KLHL22: variants seen among roughly 807,000 people sequenced by gnomAD.
KLHL22 encodes kelch-like protein 22.
In KLHL22, 18 loss-of-function variants were observed where a neutral mutation model predicts 60.7. The observed-to-expected ratio is 0.30, with a 90% confidence interval of 0.20 to 0.44. KLHL22 has a LOEUF of 0.44. KLHL22 is among the 20% of genes least tolerant of loss of function. The pLI is 1.00. For synonymous variants in KLHL22, 355 were observed against 354.5 expected (o/e 1.00, Z -0.01); for missense variants, 596 against 852.3 (o/e 0.70, Z 3.74).
chr22:20,476,437 C>T (rs1569139649), intron 2 of KLHL22, among the ~76,000 whole-genome samples: 1 of 107,740 alleles, frequency 9.3e-6, no homozygotes, highest in African/African-American at 3.7e-5. Flanking sequence ...TTTTTTGAGA[C>T]GAAGTCTTGC....
chr22:20,470,268 G>C (rs1198428590), intron 3 of KLHL22, among the ~76,000 whole-genome samples: 3 of 151,682 alleles, frequency 2.0e-5, no homozygotes, highest in Non-Finnish European at 4.4e-5. Flanking sequence ...AGGACCACTT[G>C]AGCCTAGGAG....
chr22:20,458,922 T>G (rs1204536621), intron 4 of KLHL22, among the ~76,000 whole-genome samples: 1 of 152,076 alleles, frequency 6.6e-6, no homozygotes. Flanking sequence ...GTGTGTGAGA[T>G]TCCAGGGACC....
chr22:20,475,688 C>T (rs959505466), intron 2 of KLHL22, among the ~76,000 whole-genome samples: 7 of 152,034 alleles, frequency 4.6e-5, no homozygotes, highest in African/African-American at 1.7e-4. Flanking sequence ...CCCAGCCTCC[C>T]GAGTGGCTGG....
At chr22:20,452,094 C>T (rs545186006) in intron 5 of KLHL22, among the ~76,000 whole-genome samples, 1 of 152,072 alleles carries the variant, frequency 6.6e-6, no homozygotes, top group Admixed American at 6.6e-5. Flanking sequence ...CTTTGGGGAG[C>T]ACTTTCCTGT....
Position 20,465,947 on chromosome 22 carries a change from A to C in KLHL22, c.394-371T>G, listed in dbSNP as rs2053228435. Among the ~76,000 whole-genome samples the C allele has an allele frequency of 6.6e-6, 1 of 151,976 alleles. No homozygotes were observed. Among genetic ancestry groups the C allele is most frequent in the Non-Finnish European group, 1.5e-5 (1 of 67,990 alleles). On this transcript the variant is annotated intron_variant, in intron 3 of 6. Transcript: ENST00000328879. This position sits in a 1 kb window ranked among gnomAD's most constrained non-coding sequence, Gnocchi z 4.9. The stretch of plus-strand genomic sequence containing the variant: ...TCTCCTGCCTCAGCCTCCCGTACAG[A>C]ATGTTTTTAACCTCTCTAAGCCTCA...
Position 20,477,344 on chromosome 22 carries a change from T to C in KLHL22, c.228-5829A>G, listed in dbSNP as rs541978408. Among the ~76,000 whole-genome samples the C allele has an allele frequency of 2.0e-5, 3 of 151,662 alleles. No individual in the cohort carries two copies. The South Asian group carries it at 6.3e-4, about 32-fold the overall frequency. ...AGGCGGAGGTTGCAGTGAGCTGATA[T>C]CGCACCACTACTCTGTGACAGAGCA... On this transcript the variant is annotated intron_variant, in intron 2 of 6. Transcript: ENST00000328879.
Position 20,495,040 on chromosome 22 carries a change from A to G in KLHL22, c.-34+720T>C, listed in dbSNP as rs548533309. Among the ~76,000 whole-genome samples the G allele has an allele frequency of 5.3e-4, 80 of 152,248 alleles. 3 individuals are homozygous for G. The South Asian group carries it at 6.6e-3, about 13-fold the overall frequency. The stretch of plus-strand genomic sequence containing the variant: ...TGATTCCCAGCGGGGCAGCCTTCCA[A>G]AGGGTGCGCTCTGGAAGAATCTCCC... On this transcript the variant is annotated intron_variant, in intron 1 of 6. Transcript: ENST00000328879. This position sits in a 1 kb window ranked among gnomAD's most constrained non-coding sequence, Gnocchi z 4.6.
rs1458812807 is a variant in KLHL22, at chr22:20,495,666, C to A, written c.-34+94G>T. 1 of 151,602 alleles carries A rather than the reference C, an allele frequency of 6.6e-6. No individual in the cohort carries two copies. Among genetic ancestry groups the A allele is most frequent in the South Asian group, 1.8e-4 (1 of 5,648 alleles). The allele number at this position is 151,602 out of a possible 1,614,324, so 9.4% of individuals were successfully genotyped here. Reference sequence around the variant, plus strand: ...CCCCCGCGCCCCTCGGACTCCGCGCCGCTAGCTTGTCCCCGGCCCAGCGAT... The same window carrying A: ...CCCCCGCGCCCCTCGGACTCCGCGCAGCTAGCTTGTCCCCGGCCCAGCGAT... On this transcript the variant is annotated intron_variant, in intron 1 of 6. Coordinates refer to ENST00000328879, the MANE Select transcript of KLHL22 (RefSeq NM_032775.4). The surrounding 1 kb of genome is among the most constrained non-coding windows in gnomAD (Gnocchi z 4.6).
intron 2 of KLHL22, chr22:20,483,645 G>C (rs147792285): frequency 6.9e-6 from 5 of 726,094 alleles, no homozygotes; most frequent in South Asian, 4.1e-5. Flanking sequence ...GGGCATTGTC[G>C]ATCTACAGAA....
chr22:20,454,630 T>A (rs1235518133), intron 5 of KLHL22, among the ~76,000 whole-genome samples: 1 of 152,130 alleles, frequency 6.6e-6, no homozygotes, highest in Non-Finnish European at 1.5e-5. Context: ...TTTCCCTTAA[T>A]AGTACAAAAA....
chr22:20,446,925 T>C (rs1398533454), intron 5 of KLHL22, among the ~76,000 whole-genome samples: 1 of 152,222 alleles, frequency 6.6e-6, no homozygotes, highest in Non-Finnish European at 1.5e-5. Flanking sequence ...GCCTTTGTCT[T>C]TCCTTTGCTC....
At chr22:20,470,672 ATGGATGGG>A (rs963965199) in intron 3 of KLHL22, among the ~76,000 whole-genome samples, 6 of 149,422 alleles carry the variant, frequency 4.0e-5, no homozygotes, top group African/African-American at 1.5e-4. Context: ...GAGTGGATGG[ATGGATGGG>A]TGGATGGATG....
At chr22:20,458,479 A>C (rs1187813062) in intron 4 of KLHL22, among the ~76,000 whole-genome samples, 1 of 141,806 alleles carries the variant, frequency 7.1e-6, no homozygotes, top group Non-Finnish European at 1.5e-5. Context: ...GATAGAGACA[A>C]GGTCTTGACA....
At chr22:20,474,543 C>A (rs1227936367) in intron 2 of KLHL22, among the ~76,000 whole-genome samples, 1 of 152,148 alleles carries the variant, frequency 6.6e-6, no homozygotes, top group Non-Finnish European at 1.5e-5. Flanking sequence ...AGTCCTGCGC[C>A]ACCATGCCCG....
At chr22:20,487,800 T>C (rs1032788217) in intron 2 of KLHL22, among the ~76,000 whole-genome samples, 1 of 152,172 alleles carries the variant, frequency 6.6e-6, no homozygotes, top group African/African-American at 2.4e-5. Flanking sequence ...ACTGTCATCT[T>C]CAGAAAGAGT....
At chr22:20,474,078 C>G (rs927427258) in intron 2 of KLHL22, among the ~76,000 whole-genome samples, 2 of 152,242 alleles carry the variant, frequency 1.3e-5, no homozygotes, top group South Asian at 4.1e-4. Context: ...TGGCTCAGTG[C>G]AACCTCCGCC....
At chr22:20,486,012 C>T (rs1280008283) in intron 2 of KLHL22, among the ~76,000 whole-genome samples, 2 of 150,096 alleles carry the variant, frequency 1.3e-5, no homozygotes, top group Non-Finnish European at 3.0e-5. Flanking sequence ...ACTAAAAATA[C>T]AAAAAATTAG....
intron 5 of KLHL22, chr22:20,450,908 T>C (rs1348035341): frequency 7.4e-6 from 12 of 1,612,560 alleles, no homozygotes; most frequent in Non-Finnish European, 1.0e-5. Flanking sequence ...AGGCCTGAAC[T>C]TCAGAGTCAG....
At chr22:20,444,701 T>C (rs532079806) in intron 6 of KLHL22, among the ~76,000 whole-genome samples, 2 of 152,356 alleles carry the variant, frequency 1.3e-5, no homozygotes, top group South Asian at 4.1e-4. Flanking sequence ...GAGGGGATGA[T>C]GAAGATTGAG....
Sources: gnomAD v4.1 joint callset for allele counts (sites outside exome capture counted in the v4.1 genomes callset) on GRCh38, gnomAD v4.1.1 for gene constraint, Gnocchi (gnomAD v3.1) non-coding constraint, MANE v1.5 for transcripts, NCBI Gene and HGNC (gene_info 2026-07-23, HGNC 2026-07-21) for gene names.